ZNF805: variants seen among roughly 807,000 people sequenced by gnomAD.
ZNF805 encodes zinc finger protein 805, also known as CTC-444N24.8.
ZNF805 carries 7 observed loss-of-function variants against 13.6 expected under a neutral mutation model. The observed-to-expected ratio is 0.51, with a 90% confidence interval of 0.29 to 0.97. The LOEUF (loss-of-function observed/expected upper bound fraction) is 0.97, where lower values mean the gene tolerates loss of function less well. Among genes scored for constraint, ZNF805 ranks in the 50% least tolerant of loss-of-function variants. The pLI is 0.08. For missense variants in ZNF805, 604 were observed against 771.0 expected (o/e 0.78, Z 2.57); for synonymous variants, 293 against 279.8 (o/e 1.05, Z -0.47).
At position 57,260,351 on chromosome 19, in the gene ZNF805, C is replaced by A. The variant is rs2087716831; in HGVS notation, c.*5648C>A. Among the ~76,000 whole-genome samples, 1 of 152,206 alleles carries A rather than the reference C, an allele frequency of 6.6e-6. No individual in the cohort carries two copies. The highest frequency in any genetic ancestry group is 2.4e-5 in the African/African-American group (1 of 41,466). ...AGCTCTGGTTATTCTTTCTTCCACA[C>A]ACATGCCCTGAGTAACTATTCTGTG... On this transcript the variant is annotated 3_prime_UTR_variant, in exon 4 of 4. Transcript: ENST00000414468.
chr19:57,253,618 G>C lies in ZNF805; in HGVS notation c.799G>C (p.Ala267Pro). The change falls in exon 4 of 4, where the codon GCT becomes CCT. Residue 267 changes from alanine (A) to proline (P), a missense_variant. By Grantham distance (27) the Ala-to-Pro change is conservative. Coordinates refer to ENST00000414468, the MANE Select transcript of ZNF805 (RefSeq NM_001023563.4). This position sits in a 1 kb window ranked among gnomAD's most constrained non-coding sequence, Gnocchi z 4.4. ...CTATAAGTGCATGGAGTGTGGGAAG[G>C]CTTTTAATCGGAAGTCACACCTTAC... ...KPYKCMECGK[A>P]FNRKSHLTQH... The C allele has an allele frequency of 1.9e-6, 3 of 1,614,090 alleles. No homozygotes were observed. The highest frequency in any genetic ancestry group is 2.5e-6 in the Non-Finnish European group (3 of 1,180,014).
rs1452901930 is a variant in ZNF805 at position 57,256,301 on chromosome 19, A to G, written c.*1598A>G. Among the ~76,000 whole-genome samples, 3 of 152,172 alleles carry G rather than the reference A, an allele frequency of 2.0e-5. No homozygotes were observed. Among genetic ancestry groups the G allele is most frequent in the South Asian group, 2.1e-4 (1 of 4,826 alleles). ...GATAATCTGTAGTTTTCTTTCTTCA[A>G]CTGTTACTGTTTGGTTTTGATGTCT... On this transcript the variant is annotated 3_prime_UTR_variant, in exon 4 of 4. Coordinates refer to ENST00000414468, the MANE Select transcript of ZNF805 (RefSeq NM_001023563.4).
intron 3 of ZNF805, among the ~76,000 whole-genome samples, chr19:57,250,648 G>C (rs1286707532): frequency 6.6e-6 from 1 of 152,156 alleles, no homozygotes; most frequent in African/African-American, 2.4e-5. Flanking sequence ...GTCCTGCGTG[G>C]GGTACTCCAG....
At position 57,245,127 on chromosome 19, in the gene ZNF805, A is replaced by G. The variant is rs1276516656; in HGVS notation, c.157+1078A>G. Among the ~76,000 whole-genome samples the G allele has an allele frequency of 2.0e-5, 3 of 152,156 alleles. No homozygotes were observed. The South Asian group carries it at 6.2e-4, about 32-fold the overall frequency. On this transcript the variant is annotated intron_variant, in intron 2 of 3. Coordinates refer to ENST00000414468, the MANE Select transcript of ZNF805 (RefSeq NM_001023563.4). ...GTCCCACCAGGTGTTATTCTAAACAACCTTCACGTCCTTCAATCACCTTCA... is the reference window on the plus strand; with the variant it reads ...GTCCCACCAGGTGTTATTCTAAACAGCCTTCACGTCCTTCAATCACCTTCA...
chr19:57,255,424 A>C lies in ZNF805; in HGVS notation c.*721A>C, dbSNP rs990126066. Among the ~76,000 whole-genome samples the C allele has an allele frequency of 1.3e-5, 2 of 152,210 alleles. No homozygotes were observed. The highest frequency in any genetic ancestry group is 1.9e-4 in the East Asian group (1 of 5,186). ...CTTGCTTGGATTTTGATAGAAATTG[A>C]GTTAAATCTATAGATCAATGTGTTG... On this transcript the variant is annotated 3_prime_UTR_variant, in exon 4 of 4. Coordinates refer to ENST00000414468, the MANE Select transcript of ZNF805 (RefSeq NM_001023563.4).
Position 57,253,529 on chromosome 19 carries a change from G to A in ZNF805, c.710G>A (p.Gly237Glu). The change falls in exon 4 of 4, where the codon GGA becomes GAA. Residue 237 changes from glycine to glutamate, a missense_variant. Physicochemically the swap from Gly to Glu is moderately conservative, Grantham distance 98 (BLOSUM62 -2). Around this residue, in one of 3 missense-constraint regions of ZNF805, gnomAD observed 327 missense variants for 378.2 expected, o/e 0.86. Transcript: ENST00000414468. This position sits in a 1 kb window ranked among gnomAD's most constrained non-coding sequence, Gnocchi z 4.4. ...GVKPYECTEC[G>E]KTFSKSTYLL... is the part of the protein sequence containing the mutation. ...AAGCCCTATGAATGCACAGAGTGTG[G>A]AAAAACCTTTAGCAAGAGTACATAC... is the stretch of plus-strand genomic sequence containing the variant. 1 of 1,612,660 alleles carries A rather than the reference G, an allele frequency of 6.2e-7. No individual in the cohort carries two copies. Among genetic ancestry groups the A allele is most frequent in the Non-Finnish European group, 8.5e-7 (1 of 1,179,242 alleles).
intron 1 of ZNF805, among the ~76,000 whole-genome samples, chr19:57,242,645 C>T (rs1321235474): frequency 6.6e-6 from 1 of 152,210 alleles, no homozygotes; most frequent in Non-Finnish European, 1.5e-5. Context: ...ATTATGCAAT[C>T]TCCCTGGGGT....
At chr19:57,250,393 C>T (rs2087644458) in intron 3 of ZNF805, among the ~76,000 whole-genome samples, 1 of 152,094 alleles carries the variant, frequency 6.6e-6, no homozygotes, top group African/African-American at 2.4e-5. Context: ...CCACCACATC[C>T]GGCTAATTTT....
rs1042391436 is a variant in ZNF805, at chr19:57,240,856, G to C, written c.-36G>C. The C allele has an allele frequency of 1.3e-6, 2 of 1,544,390 alleles. No individual in the cohort carries two copies. Among genetic ancestry groups the C allele is most frequent in the Non-Finnish European group, 1.8e-6 (2 of 1,142,762 alleles). ...GCCCGCGAGACCCGCCCTGCTCGCC[G>C]CAGCCCCCGCCCCGCTAGGGCCACA... On this transcript the variant is annotated 5_prime_UTR_variant, in exon 1 of 4. Transcript: ENST00000414468.
At position 57,240,790 on chromosome 19, in the gene ZNF805, G is replaced by C; in HGVS notation, c.-102G>C. On this transcript the variant is annotated 5_prime_UTR_variant, in exon 1 of 4. Coordinates refer to ENST00000414468, the MANE Select transcript of ZNF805 (RefSeq NM_001023563.4). ...CGAGAGAGTTTGACTGTCAGCCAAG[G>C]TCACCGGGCCCGGCGCAGGGAAGGG... 8.5e-7 allele frequency: 1 copy of C among 1,178,038 alleles called. No individual in the cohort carries two copies. Among genetic ancestry groups the C allele is most frequent in the Non-Finnish European group, 1.2e-6 (1 of 848,462 alleles). The allele number at this position is 1,178,038 out of a possible 1,614,324, so 73.0% of individuals were successfully genotyped here.
chr19:57,258,764 G>T lies in ZNF805; in HGVS notation c.*4061G>T, dbSNP rs1205772324. On this transcript the variant is annotated 3_prime_UTR_variant, in exon 4 of 4. Coordinates refer to ENST00000414468, the MANE Select transcript of ZNF805 (RefSeq NM_001023563.4). ...AAAGTCACAGGAAGTATTGCTTGTT[G>T]ATCTCTTTACCCATTCCACTATTCT... Among the ~76,000 whole-genome samples, 1 of 152,146 alleles carries T rather than the reference G, an allele frequency of 6.6e-6. No individual in the cohort carries two copies. The highest frequency in any genetic ancestry group is 2.4e-5 in the African/African-American group (1 of 41,438).
chr19:57,254,560 A>G lies in ZNF805; in HGVS notation c.1741A>G (p.Thr581Ala). 6.2e-7 allele frequency: 1 copy of G among 1,614,188 alleles called. No individual in the cohort carries two copies. ...GGGAAGACCTTTTACAAGTGGGCAG[A>G]CCTCAGTCAACATCCAAGAACTTTT... ...DVGRPFTSGQ[T>A]SVNIQELLLG... The change falls in exon 4 of 4, where the codon ACC becomes GCC. Residue 581 changes from threonine to alanine, a missense_variant. Thr to Ala is a moderately conservative substitution (Grantham distance 58). This residue lies in a region of ZNF805 where 228 missense variants were observed against 352.8 expected (regional missense o/e 0.65). Coordinates refer to ENST00000414468, the MANE Select transcript of ZNF805 (RefSeq NM_001023563.4).
At chr19:57,246,884 G>A (rs1418992977) in intron 2 of ZNF805, among the ~76,000 whole-genome samples, 1 of 152,092 alleles carries the variant, frequency 6.6e-6, no homozygotes, top group Admixed American at 6.5e-5. Flanking sequence ...TATTCTCACA[G>A]GATCCCTGTC....
chr19:57,250,997 A>G (rs2087648820), intron 3 of ZNF805, among the ~76,000 whole-genome samples: 1 of 152,228 alleles, frequency 6.6e-6, no homozygotes, highest in Non-Finnish European at 1.5e-5. Context: ...AAATTCAACA[A>G]TTCAGTGTTC....
At chr19:57,245,202 C>G (rs2087605225) in intron 2 of ZNF805, among the ~76,000 whole-genome samples, 1 of 152,212 alleles carries the variant, frequency 6.6e-6, no homozygotes, top group African/African-American at 2.4e-5. Flanking sequence ...GGGCTTCTTG[C>G]TATTTCCCCA....
intron 2 of ZNF805, among the ~76,000 whole-genome samples, chr19:57,244,674 GGAACTGA>G (rs1227407429): frequency 4.6e-5 from 7 of 152,154 alleles, no homozygotes; most frequent in Non-Finnish European, 1.0e-4. Flanking sequence ...GGTTGAAGTA[GGAACTGA>G]GAACCGCCAC....
At position 57,245,120 on chromosome 19, in the gene ZNF805, C is replaced by G. The variant is rs10426703; in HGVS notation, c.157+1071C>G. On this transcript the variant is annotated intron_variant, in intron 2 of 3. Transcript: ENST00000414468. ...ACCTTCCGTCCCACCAGGTGTTATT[C>G]TAAACAACCTTCACGTCCTTCAATC... Among the ~76,000 whole-genome samples, 4 of 152,148 alleles carry G rather than the reference C, an allele frequency of 2.6e-5. No individual in the cohort carries two copies. In the South Asian group the frequency reaches 8.3e-4, roughly 32 times the overall value.
chr19:57,242,272 A>T (rs79634514), intron 1 of ZNF805, among the ~76,000 whole-genome samples: 2 of 152,214 alleles, frequency 1.3e-5, no homozygotes, highest in Non-Finnish European at 2.9e-5. Context: ...TGAACTTTGC[A>T]GTCTTTCCAG....
At chr19:57,251,438 T>TG (rs1568489356) in intron 3 of ZNF805, among the ~76,000 whole-genome samples, 1 of 152,222 alleles carries the variant, frequency 6.6e-6, no homozygotes, top group African/African-American at 2.4e-5. Context: ...AGATGTTATT[T>TG]GGTGATAAAT....
Sources: allele counts gnomAD v4.1 joint callset (sites outside exome capture counted in the v4.1 genomes callset), GRCh38; gene constraint gnomAD v4.1.1; regional missense constraint gnomAD v4.1.1; non-coding constraint Gnocchi (gnomAD v3.1); transcripts MANE v1.5; gene names NCBI Gene and HGNC (gene_info 2026-07-23, HGNC 2026-07-21).